KATNA1: variants seen among roughly 807,000 people sequenced by gnomAD.
KATNA1 encodes the protein katanin p60 ATPase-containing subunit A1.
In KATNA1, 42 loss-of-function variants were observed where a neutral mutation model predicts 62.6. That is an observed-to-expected ratio of 0.67 (90% confidence interval 0.52 to 0.87). The LOEUF (loss-of-function observed/expected upper bound fraction) is 0.87, where lower values mean the gene tolerates loss of function less well. KATNA1 is among the 40% of genes least tolerant of loss of function. KATNA1 has a pLI of 0.00. For synonymous variants in KATNA1, 186 were observed against 201.9 expected (o/e 0.92, Z 0.67); for missense variants, 498 against 612.5 (o/e 0.81, Z 1.97).
At chr6:149,622,122 T>C (rs1402604954) in intron 4 of KATNA1, among the ~76,000 whole-genome samples, 1 of 117,730 alleles carries the variant, frequency 8.5e-6, no homozygotes, top group Non-Finnish European at 1.6e-5. Flanking sequence ...TTGATAACTG[T>C]GTTTTTTTTG....
chr6:149,629,762 T>C (rs1779762200), intron 3 of KATNA1, among the ~76,000 whole-genome samples: 1 of 152,132 alleles, frequency 6.6e-6, no homozygotes, highest in Non-Finnish European at 1.5e-5. Flanking sequence ...TAACTATATA[T>C]AGGTTACATA....
chr6:149,631,977 T>A (rs1033217695), intron 3 of KATNA1, among the ~76,000 whole-genome samples: 2 of 152,214 alleles, frequency 1.3e-5, no homozygotes, highest in African/African-American at 4.8e-5. Flanking sequence ...AAAGCCAATT[T>A]TTTCAATTTT....
At chr6:149,641,084 G>A (rs1442317898) in intron 1 of KATNA1, among the ~76,000 whole-genome samples, 1 of 149,240 alleles carries the variant, frequency 6.7e-6, no homozygotes, top group African/African-American at 2.5e-5. Flanking sequence ...TGGTCACGCT[G>A]GTCTCGAACT....
intron 7 of KATNA1, among the ~76,000 whole-genome samples, chr6:149,599,985 T>C (rs1194819216): frequency 1.3e-5 from 2 of 152,096 alleles, no homozygotes; most frequent in Admixed American, 1.3e-4. Context: ...TTTGGACTTT[T>C]GCTGGAACTA....
intron 2 of KATNA1, among the ~76,000 whole-genome samples, chr6:149,634,778 T>C (rs1780004044): frequency 6.6e-6 from 1 of 152,316 alleles, no homozygotes; most frequent in East Asian, 1.9e-4. Context: ...AAATATAATG[T>C]GTATGCCCAA....
intron 3 of KATNA1, among the ~76,000 whole-genome samples, chr6:149,629,493 G>C (rs1779752843): frequency 2.0e-5 from 3 of 152,240 alleles, no homozygotes; most frequent in South Asian, 2.1e-4. Flanking sequence ...AAGCCACCCA[G>C]TGTATGGTAT....
chr6:149,619,004 G>A (rs1779292733), intron 4 of KATNA1, among the ~76,000 whole-genome samples: 1 of 152,262 alleles, frequency 6.6e-6, no homozygotes, highest in Non-Finnish European at 1.5e-5. Flanking sequence ...AAATGCTTCT[G>A]CACAGTAAAG....
At chr6:149,633,560 C>T (rs1779938018) in intron 2 of KATNA1, among the ~76,000 whole-genome samples, 2 of 147,202 alleles carry the variant, frequency 1.4e-5, no homozygotes, top group African/African-American at 4.9e-5. Context: ...GTAAAAACCC[C>T]ATCTCTACTA....
At chr6:149,603,742 C>T (rs1163284557) in intron 5 of KATNA1, among the ~76,000 whole-genome samples, 1 of 152,018 alleles carries the variant, frequency 6.6e-6, no homozygotes, top group Non-Finnish European at 1.5e-5. Context: ...TAAAAAAAAG[C>T]ATAAAGAATA....
intron 1 of KATNA1, among the ~76,000 whole-genome samples, chr6:149,647,145 CGT>C (rs2114649683): frequency 6.6e-6 from 1 of 151,228 alleles, no homozygotes. Context: ...ATCACTACTG[CGT>C]GTTTTTTTTT....
chr6:149,597,234 C>T (rs1407576203), intron 9 of KATNA1, 45 bp from the exon 10 acceptor site: 1 of 1,592,574 alleles, frequency 6.3e-7, no homozygotes, highest in Admixed American at 1.7e-5. Flanking sequence ...GCAGCATAAA[C>T]ATAGTATACT....
Position 149,638,411 on chromosome 6 carries a change from G to A in KATNA1, c.137C>T (p.Thr46Ile). ...MNKYLYSVKD[T>I]YLQQKWQQVW... ...CTGTTGCCATTTCTGCTGGAGGTAT[G>A]TATCTTTGACTGAGTACAGATACTT... Residue 46 changes from threonine to isoleucine, a missense_variant, in exon 2 of 11, where the codon ACA (threonine) becomes ATA (isoleucine). Thr to Ile is a moderately conservative substitution (Grantham distance 89). Around this residue, in one of 3 missense-constraint regions of KATNA1, gnomAD observed 203 missense variants for 198.4 expected, o/e 1.02. Transcript: ENST00000367411. 6.2e-7 allele frequency: 1 copy of A among 1,613,658 alleles called. No homozygotes were observed. The highest frequency in any genetic ancestry group is 1.7e-4 in the Middle Eastern group (1 of 6,060).
At chr6:149,621,707 A>G (rs950602456) in intron 4 of KATNA1, among the ~76,000 whole-genome samples, 8 of 151,372 alleles carry the variant, frequency 5.3e-5, no homozygotes, top group Admixed American at 4.0e-4. Context: ...TGGCCAGGCT[A>G]GTCTAGAGCT....
intron 1 of KATNA1, 84 bp from the exon 2 acceptor site, chr6:149,638,644 G>C (rs548206779): frequency 1.9e-5 from 17 of 917,376 alleles, no homozygotes; most frequent in Admixed American, 1.0e-4. Context: ...TACTTTCCAG[G>C]GCTCCCTCAA....
chr6:149,618,638 C>T (rs979937284), intron 4 of KATNA1, among the ~76,000 whole-genome samples: 1 of 152,120 alleles, frequency 6.6e-6, no homozygotes, highest in Non-Finnish European at 1.5e-5. Context: ...AACAGACATA[C>T]AGACCAATGG....
rs1333740043 is a variant in KATNA1 at position 149,604,704 on chromosome 6, C to A, written c.580G>T (p.Ala194Ser). ...TGGGAAATTATATCTCTTTCCAAAG[C>A]TTCTACTAAGTCTTTATCATATCCG... ...STGYDKDLVE[A>S]LERDIISQNP... Residue 194 changes from alanine (A) to serine (S), a missense_variant, in exon 5 of 11, where the codon GCT becomes TCT. Coordinates refer to ENST00000367411, the MANE Select transcript of KATNA1 (RefSeq NM_007044.4). The A allele has an allele frequency of 1.2e-6, 2 of 1,612,626 alleles. No homozygotes were observed. The highest frequency in any genetic ancestry group is 2.7e-5 in the African/African-American group (2 of 74,884).
At position 149,599,677 on chromosome 6, in the gene KATNA1, C is replaced by A. The variant is rs1011709869; in HGVS notation, c.889-1327G>T. On this transcript the variant is annotated intron_variant, in intron 7 of 10. Coordinates refer to ENST00000367411, the MANE Select transcript of KATNA1 (RefSeq NM_007044.4). ...GGATTACAGGTGCACGCCACCACAC[C>A]TGGCTAATTTTTGTATTTTTAGTAG... 1.1e-4 allele frequency among the ~76,000 whole-genome samples: 17 copies of A among 152,196 alleles called. 1 individual carries two copies. In the East Asian group the frequency reaches 1.5e-3, roughly 14 times the overall value.
intron 4 of KATNA1, among the ~76,000 whole-genome samples, chr6:149,612,231 G>A (rs571340453): frequency 2.6e-5 from 4 of 152,188 alleles, no homozygotes; most frequent in East Asian, 1.9e-4. Flanking sequence ...ATTAAGGCCC[G>A]GCGTGGTGGC....
chr6:149,598,084 C>T, intron 8 of KATNA1, 140 bp downstream of exon 8: 1 of 873,564 alleles, frequency 1.1e-6, no homozygotes, highest in Non-Finnish European at 1.7e-6. Flanking sequence ...CTTCTTGCCA[C>T]CCCCTCTAGT....
Sources: gnomAD v4.1 joint callset for allele counts (sites outside exome capture counted in the v4.1 genomes callset) on GRCh38, gnomAD v4.1.1 for gene constraint, gnomAD v4.1.1 regional missense constraint, MANE v1.5 for transcripts, NCBI Gene and HGNC (gene_info 2026-07-23, HGNC 2026-07-21) for gene names.